SYNE2: variants seen among roughly 807,000 people sequenced by gnomAD.
SYNE2 encodes the protein spectrin repeat containing nuclear envelope protein 2.
Under a neutral mutation model 856.3 loss-of-function variants are expected in SYNE2, and 431 were observed. The observed-to-expected ratio is 0.50, with a 90% CI of 0.47 to 0.55. SYNE2 has a LOEUF of 0.55. Among genes scored for constraint, SYNE2 ranks in the 20% least tolerant of loss-of-function variants. SYNE2 has a pLI of 0.00. For missense variants in SYNE2, 8,129 were observed against 8,023.2 expected, an observed-to-expected ratio of 1.01 and a Z score of -0.50; for synonymous variants, 2,923 against 2,872.3, an observed-to-expected ratio of 1.02 and a Z score of -0.56.
intron 13 of SYNE2, 90 bp downstream of exon 13, chr14:63,978,107 G>C (rs2096558413): frequency 1.1e-6 from 1 of 877,476 alleles, no homozygotes; most frequent in Non-Finnish European, 1.9e-6. Flanking sequence ...CAGATTTTTA[G>C]ATAATTTTTA....
chr14:64,016,272 T>C lies in SYNE2; in HGVS notation c.4729-201T>C, dbSNP rs117014123. Among the ~76,000 whole-genome samples, 4 of 152,240 alleles carry C rather than the reference T, an allele frequency of 2.6e-5. No individual in the cohort carries two copies. The East Asian group carries it at 7.7e-4, about 29-fold the overall frequency. On this transcript the variant is annotated intron_variant, in intron 32 of 115. Coordinates refer to ENST00000555002, the MANE Select transcript of SYNE2 (RefSeq NM_182914.3). ...ATGAAATTTGAGTATAGGGTTAACA[T>C]TGAACCAATGGTTAGGATGCTAAAA...
At chr14:64,221,481 G>C in intron 111 of SYNE2, 95 bp from the exon 112 acceptor site, 1 of 1,611,862 alleles carries the variant, frequency 6.2e-7, no homozygotes, top group South Asian at 1.1e-5. Flanking sequence ...AAAAGCAAAT[G>C]ACTGTGATGG....
At chr14:64,200,699 G>A (rs2098558042) in intron 99 of SYNE2, among the ~76,000 whole-genome samples, 1 of 152,206 alleles carries the variant, frequency 6.6e-6, no homozygotes, top group Non-Finnish European at 1.5e-5. Flanking sequence ...TGGAAAACAT[G>A]GCTCCTTGAA....
At chr14:63,903,599 G>A (rs1311876949) in intron 1 of SYNE2, among the ~76,000 whole-genome samples, 1 of 152,144 alleles carries the variant, frequency 6.6e-6, no homozygotes, top group African/African-American at 2.4e-5. Context: ...GGGTAGCTAG[G>A]ACTATAGGCA....
rs780432032 is a variant in SYNE2, at chr14:64,004,644, T to C, written c.4397+1314T>C. Among the ~76,000 whole-genome samples the C allele has an allele frequency of 7.9e-5, 12 of 152,278 alleles. 1 individual carries two copies. The South Asian group carries it at 8.3e-4, about 11-fold the overall frequency. ...CGCGCCTGGCCTCTTCCCCCCTTTC[T>C]AAATCTGTCTCACTTTCTGTCTCCT... On this transcript the variant is annotated intron_variant, in intron 30 of 115. Coordinates refer to ENST00000555002, the MANE Select transcript of SYNE2 (RefSeq NM_182914.3).
intron 2 of SYNE2, among the ~76,000 whole-genome samples, chr14:63,911,212 C>T (rs1401036329): frequency 6.6e-6 from 1 of 152,088 alleles, no homozygotes; most frequent in Non-Finnish European, 1.5e-5. Flanking sequence ...GTAGCTCCCC[C>T]GGCCCCTCCT....
At chr14:63,879,877 CA>C (rs913630629) in intron 1 of SYNE2, among the ~76,000 whole-genome samples, 1 of 152,210 alleles carries the variant, frequency 6.6e-6, no homozygotes, top group Non-Finnish European at 1.5e-5. Flanking sequence ...TAGCACCAAC[CA>C]GCAAAGGATA....
intron 79 of SYNE2, among the ~76,000 whole-genome samples, chr14:64,139,176 T>C (rs1254082692): frequency 2.0e-5 from 3 of 151,296 alleles, no homozygotes; most frequent in Admixed American, 6.6e-5. Flanking sequence ...AGAAATGGGG[T>C]TTTTCCATGT....
intron 110 of SYNE2, among the ~76,000 whole-genome samples, 174 bp from the exon 111 acceptor site, chr14:64,220,263 T>C (rs1320148514): frequency 6.6e-6 from 1 of 152,134 alleles, no homozygotes; most frequent in Admixed American, 6.5e-5. Context: ...TTCACAGACC[T>C]TAAGGCAGCT....
At chr14:64,112,779 A>G (rs1363891165) in intron 65 of SYNE2, among the ~76,000 whole-genome samples, 1 of 152,216 alleles carries the variant, frequency 6.6e-6, no homozygotes, top group African/African-American at 2.4e-5. Context: ...TGTTTTTATT[A>G]GGGAAAAATT....
intron 11 of SYNE2, among the ~76,000 whole-genome samples, chr14:63,974,892 G>GTGTGTGTA (rs1375697679): frequency 7.4e-5 from 5 of 67,320 alleles, no homozygotes; most frequent in East Asian, 4.6e-4. Context: ...GTGTGTGTGT[G>GTGTGTGTA]TATATATATA....
chr14:63,889,406 A>T (rs910856090), intron 1 of SYNE2, among the ~76,000 whole-genome samples: 1 of 152,032 alleles, frequency 6.6e-6, no homozygotes, highest in Non-Finnish European at 1.5e-5. Flanking sequence ...GGTTAACTAG[A>T]GAGAAGCATA....
At chr14:64,117,395 G>A (rs1407499838) in intron 66 of SYNE2, among the ~76,000 whole-genome samples, 2 of 152,128 alleles carry the variant, frequency 1.3e-5, no homozygotes, top group Non-Finnish European at 2.9e-5. Context: ...GACCTGACGG[G>A]CTCAGGCAAT....
intron 6 of SYNE2, among the ~76,000 whole-genome samples, chr14:63,943,827 C>T (rs996439729): frequency 3.3e-5 from 5 of 151,728 alleles, no homozygotes; most frequent in Admixed American, 1.3e-4. Context: ...CGCGCCACCA[C>T]GCCCAGCTAA....
intron 1 of SYNE2, among the ~76,000 whole-genome samples, chr14:63,770,359 C>G (rs1026645213): frequency 5.3e-5 from 8 of 152,100 alleles, no homozygotes; most frequent in African/African-American, 1.9e-4. Flanking sequence ...GCTACTATGC[C>G]ACATTCATCG....
In SYNE2 at chr14:64,208,938, C is replaced by T. The variant is rs2098624056; in HGVS notation, c.18382C>T (p.Arg6128Cys). Reference protein sequence around the residue: ...RNICAMSMERRMKIEETWRLW... With the variant: ...RNICAMSMERCMKIEETWRLW... ...CATTTGTGCCATGTCCATGGAGCGG[C>T]GCATGAAGTAAGAACTAAGCTCCCC... is the stretch of plus-strand genomic sequence containing the variant. Residue 6128 changes from arginine (R) to cysteine (C), a missense_variant, in exon 101 of 116, where the codon CGC becomes TGC. By Grantham distance (180) the Arg-to-Cys change is radical. Around this residue, in one of 3 missense-constraint regions of SYNE2, gnomAD observed 5,410 missense variants for 5,284.8 expected, o/e 1.02. Transcript: ENST00000555002. 3.7e-6 allele frequency: 6 copies of T among 1,613,866 alleles called. No individual in the cohort carries two copies. The highest frequency in any genetic ancestry group is 1.1e-5 in the South Asian group (1 of 91,014).
At chr14:63,928,850 C>T (rs1047308684) in intron 2 of SYNE2, among the ~76,000 whole-genome samples, 1 of 151,978 alleles carries the variant, frequency 6.6e-6, no homozygotes. Context: ...CGTGTCCGTC[C>T]TAGCTAACAG....
chr14:63,868,938 A>G (rs768109364), intron 1 of SYNE2, among the ~76,000 whole-genome samples: 2 of 152,236 alleles, frequency 1.3e-5, no homozygotes, highest in Non-Finnish European at 2.9e-5. Context: ...CTAAAACAAG[A>G]CTTATTAAGT....
chr14:64,178,824 A>G (rs2098445871), intron 96 of SYNE2, among the ~76,000 whole-genome samples: 1 of 152,134 alleles, frequency 6.6e-6, no homozygotes, highest in African/African-American at 2.4e-5. Context: ...TAATCCCAGC[A>G]CTTTGGGAGG....
Sources: allele counts gnomAD v4.1 joint callset (sites outside exome capture counted in the v4.1 genomes callset), GRCh38; gene constraint gnomAD v4.1.1; regional missense constraint gnomAD v4.1.1; transcripts MANE v1.5; gene names NCBI Gene and HGNC (gene_info 2026-07-23, HGNC 2026-07-21).